Variants in PCDHA1 observed in about 807,000 individuals in gnomAD.
PCDHA1 encodes the protein protocadherin alpha 1.
Under a neutral mutation model 61.3 loss-of-function variants are expected in PCDHA1, and 42 were observed. That is an observed-to-expected ratio of 0.69 (90% confidence interval 0.54 to 0.89). The LOEUF is 0.89. Among genes scored for constraint, PCDHA1 ranks in the 40% least tolerant of loss-of-function variants. The pLI is 0.00. For missense variants in PCDHA1, 1,256 were observed against 1,235.3 expected, an observed-to-expected ratio of 1.02 and a Z score of -0.25; for synonymous variants, 610 against 553.8, an observed-to-expected ratio of 1.10 and a Z score of -1.43.
intron 1 of PCDHA1, chr5:140,882,780 G>T: frequency 1.2e-6 from 2 of 1,614,160 alleles, no homozygotes; most frequent in Non-Finnish European, 1.7e-6. Context: ...TTGACCTACC[G>T]ACTGGATCCC....
At chr5:140,973,760 A>T (rs2153800993) in intron 1 of PCDHA1, among the ~76,000 whole-genome samples, 1 of 152,376 alleles carries the variant, frequency 6.6e-6, no homozygotes, top group Admixed American at 6.5e-5. Flanking sequence ...GCAGGGACAC[A>T]GCCTGGCATA....
chr5:140,858,339 A>G, intron 1 of PCDHA1: 1 of 1,595,618 alleles, frequency 6.3e-7, no homozygotes, highest in African/African-American at 1.3e-5. Context: ...GGCCTGCCCA[A>G]GGCGGACCTC....
chr5:140,829,684 G>T, intron 1 of PCDHA1: 1 of 1,613,278 alleles, frequency 6.2e-7, no homozygotes, highest in Non-Finnish European at 8.5e-7. Context: ...TAGAGCTGCT[G>T]CAGTTTCAGG....
chr5:140,952,416 G>T (rs114343205), intron 1 of PCDHA1, among the ~76,000 whole-genome samples: 1 of 151,730 alleles, frequency 6.6e-6, no homozygotes, highest in Non-Finnish European at 1.5e-5. Context: ...TTAATGTTCC[G>T]CAGATTCCTA....
At chr5:140,965,490 C>G (rs115003344) in intron 1 of PCDHA1, among the ~76,000 whole-genome samples, 2,488 of 148,960 alleles carry the variant, frequency 0.017, 68 homozygotes, top group African/African-American at 0.057. Context: ...TGCTTAATGA[C>G]AGCAGATTTT....
intron 1 of PCDHA1, among the ~76,000 whole-genome samples, chr5:140,901,839 A>G (rs578262204): frequency 6.6e-6 from 1 of 152,226 alleles, no homozygotes; most frequent in Admixed American, 6.5e-5. Context: ...TAAACATGCA[A>G]TATCTTTCCA....
At chr5:140,906,942 A>G (rs2073059599) in intron 1 of PCDHA1, among the ~76,000 whole-genome samples, 1 of 152,146 alleles carries the variant, frequency 6.6e-6, no homozygotes, top group Admixed American at 6.5e-5. Context: ...TGTCAATCTT[A>G]ATTTCCAGTT....
intron 1 of PCDHA1, among the ~76,000 whole-genome samples, chr5:140,902,424 G>A (rs1422453587): frequency 6.6e-6 from 1 of 152,038 alleles, no homozygotes; most frequent in African/African-American, 2.4e-5. Flanking sequence ...AGTGGTGAAA[G>A]TGGGCATCCT....
rs782451974 is a variant in PCDHA1, at chr5:141,009,822, T to A, written c.2738T>A (p.Phe913Tyr). 6.2e-7 allele frequency: 1 copy of A among 1,613,720 alleles called. No individual in the cohort carries two copies. The highest frequency in any genetic ancestry group is 2.2e-5 in the East Asian group (1 of 44,866). Residue 913 changes from phenylalanine (F) to tyrosine (Y), a missense_variant, in exon 4 of 4, where the codon TTC (phenylalanine) becomes TAC (tyrosine). Physicochemically the swap from Phe to Tyr is conservative, Grantham distance 22. Transcript: ENST00000504120. ...AACAGCCAAATTGACAAAAGTGACTTCATAACCTTCGGCAAAAAGGAGGAG... is the reference window on the plus strand; with the variant it reads ...AACAGCCAAATTGACAAAAGTGACTACATAACCTTCGGCAAAAAGGAGGAG... ...PTNSQIDKSDFITFGKKEETK... is the reference protein window; with the variant it reads ...PTNSQIDKSDYITFGKKEETK...
intron 1 of PCDHA1, among the ~76,000 whole-genome samples, chr5:140,923,066 C>G (rs1050883797): frequency 6.6e-6 from 1 of 152,198 alleles, no homozygotes; most frequent in African/African-American, 2.4e-5. Flanking sequence ...AGAGCTAGGT[C>G]TCCTCATGTC....
intron 1 of PCDHA1, among the ~76,000 whole-genome samples, chr5:140,938,299 A>T (rs995168721): frequency 1.3e-5 from 2 of 152,192 alleles, no homozygotes; most frequent in Admixed American, 6.5e-5. Flanking sequence ...TTGCCTATGA[A>T]ATTCAGTATA....
At chr5:140,809,725 C>A in intron 1 of PCDHA1, 3 of 833,130 alleles carry the variant, frequency 3.6e-6, no homozygotes, top group Non-Finnish European at 5.5e-6. Context: ...AATTATAGGA[C>A]ATCAGAGCAA....
intron 1 of PCDHA1, chr5:140,812,676 C>G (rs782182671): frequency 6.6e-6 from 1 of 152,162 alleles, no homozygotes; most frequent in Non-Finnish European, 1.5e-5. Context: ...TACAGAGGCA[C>G]GATCATAGCT....
intron 1 of PCDHA1, among the ~76,000 whole-genome samples, chr5:140,799,212 A>G (rs1328524413): frequency 6.6e-6 from 1 of 152,102 alleles, no homozygotes; most frequent in African/African-American, 2.4e-5. Context: ...TTCTAAACTC[A>G]TAGTTCCTTT....
chr5:140,804,968 G>A, intron 1 of PCDHA1: 1 of 1,463,148 alleles, frequency 6.8e-7, no homozygotes, highest in Non-Finnish European at 9.1e-7. Context: ...AGTAGCCATA[G>A]TGTGTCCATC....
intron 3 of PCDHA1, among the ~76,000 whole-genome samples, chr5:140,997,668 T>TTG (rs35184029): frequency 0.084 from 12,442 of 148,286 alleles, 534 homozygotes; most frequent in Admixed American, 0.1. Flanking sequence ...ATTATACAGC[T>TTG]TGTGTGTGTG....
intron 3 of PCDHA1, among the ~76,000 whole-genome samples, chr5:140,998,139 G>C (rs1354714500): frequency 2.0e-5 from 3 of 152,176 alleles, no homozygotes; most frequent in Non-Finnish European, 4.4e-5. Flanking sequence ...TAGCTAACCT[G>C]TACTGAACAG....
chr5:140,838,055 C>A (rs1775397584), intron 1 of PCDHA1, among the ~76,000 whole-genome samples: 1 of 145,046 alleles, frequency 6.9e-6, no homozygotes, highest in African/African-American at 2.6e-5. Flanking sequence ...TTTTGGTTTT[C>A]CACTTTAAGT....
Position 140,982,566 on chromosome 5 carries a change from A to G in PCDHA1, c.2542+3A>G, listed in dbSNP as rs372784858. On this transcript the variant is annotated splice_donor_region_variant and intron_variant, in intron 3 of 3. Transcript: ENST00000504120. ...AACAGTATCCAGTGCAACACCAGGT[A>G]AAGAGCTGGGGTCTCTCCATTCTTT... 8 of 1,613,970 alleles carry G rather than the reference A, an allele frequency of 5.0e-6. No individual in the cohort carries two copies. The highest frequency in any genetic ancestry group is 6.8e-6 in the Non-Finnish European group (8 of 1,179,958).
Sources: gnomAD v4.1 joint callset for allele counts (sites outside exome capture counted in the v4.1 genomes callset) on GRCh38, gnomAD v4.1.1 for gene constraint, MANE v1.5 for transcripts, NCBI Gene and HGNC (gene_info 2026-07-23, HGNC 2026-07-21) for gene names.